LIPH: variants seen among roughly 807,000 people sequenced by gnomAD.
The protein encoded by LIPH is lipase member H.
A neutral mutation model predicts 47.6 loss-of-function variants in LIPH; 32 were observed. The observed-to-expected ratio is 0.67, with a 90% CI of 0.51 to 0.90. The LOEUF is 0.90. LIPH is among the 40% of genes least tolerant of loss of function. The pLI, the probability that LIPH is intolerant of heterozygous loss-of-function variation, is 0.00. For missense variants in LIPH, 497 were observed against 541.4 expected (o/e 0.92, Z 0.81); for synonymous variants, 190 against 195.6 (o/e 0.97, Z 0.24).
intron 3 of LIPH, among the ~76,000 whole-genome samples, chr3:185,528,218 AAGAAAGAG>A (rs1311460574): frequency 1.1e-5 from 1 of 94,494 alleles, no homozygotes; most frequent in African/African-American, 3.2e-5. Context: ...GTCTCGAAGA[AAGAAAGAG>A]AGAGAGAGAG....
At chr3:185,515,653 C>T (rs1719707978) in intron 7 of LIPH, among the ~76,000 whole-genome samples, 1 of 152,116 alleles carries the variant, frequency 6.6e-6, no homozygotes, top group South Asian at 2.1e-4. Flanking sequence ...GGATTACAGG[C>T]AAGCACCACC....
intron 1 of LIPH, among the ~76,000 whole-genome samples, chr3:185,550,651 C>A (rs1721021994): frequency 6.6e-6 from 1 of 152,046 alleles, no homozygotes; most frequent in South Asian, 2.1e-4. Flanking sequence ...CTCACTGCAA[C>A]CTCTGCCTCC....
Position 185,524,056 on chromosome 3 carries a change from A to C in LIPH, c.718+15T>G. On this transcript the variant is annotated intron_variant, in intron 5 of 9. Transcript: ENST00000296252. ...GCCTTTTTATACCACTATTTTACAA[A>C]ATATAAAGGCTTACCTCCCAATATT... 4 of 1,585,712 alleles carry C rather than the reference A, an allele frequency of 2.5e-6. No homozygotes were observed. The highest frequency in any genetic ancestry group is 3.5e-6 in the Non-Finnish European group (4 of 1,154,280).
chr3:185,523,801 C>G (rs1489879980), intron 5 of LIPH, among the ~76,000 whole-genome samples: 1 of 131,206 alleles, frequency 7.6e-6, no homozygotes, highest in Non-Finnish European at 1.8e-5. Flanking sequence ...CGGCTCACCG[C>G]AACCTCTGTC....
At chr3:185,534,349 C>T (rs1720435085) in intron 2 of LIPH, among the ~76,000 whole-genome samples, 1 of 149,840 alleles carries the variant, frequency 6.7e-6, no homozygotes, top group Admixed American at 6.7e-5. Flanking sequence ...AACGAGATTC[C>T]GTCTCAAAAA....
At chr3:185,547,542 G>A (rs910030081) in intron 1 of LIPH, among the ~76,000 whole-genome samples, 2 of 152,098 alleles carry the variant, frequency 1.3e-5, no homozygotes, top group Non-Finnish European at 2.9e-5. Flanking sequence ...GGCAGGGCAC[G>A]GTGGCTCACG....
chr3:185,528,874 C>G lies in LIPH; in HGVS notation c.527-1289G>C, dbSNP rs1011633290. Among the ~76,000 whole-genome samples the G allele has an allele frequency of 1.1e-4, 16 of 152,032 alleles. No homozygotes were observed. In the South Asian group the frequency reaches 3.1e-3, roughly 30 times the overall value. ...CCACAAAATAAAGATTAAACAACAA[C>G]AAGAAAAAGCTGGGTGTGGTGGCTG... On this transcript the variant is annotated intron_variant, in intron 3 of 9. Transcript: ENST00000296252.
intron 1 of LIPH, among the ~76,000 whole-genome samples, chr3:185,541,684 C>T (rs900948938): frequency 6.6e-5 from 10 of 151,294 alleles, no homozygotes; most frequent in Non-Finnish European, 8.8e-5. Flanking sequence ...GGATTATAGG[C>T]GTGAGCCACC....
intron 1 of LIPH, among the ~76,000 whole-genome samples, chr3:185,547,870 G>T (rs1335822223): frequency 6.6e-6 from 1 of 151,540 alleles, no homozygotes; most frequent in African/African-American, 2.4e-5. Flanking sequence ...TATTTACTGA[G>T]ACCCAGATAA....
chr3:185,549,137 A>G (rs868801729), intron 1 of LIPH, among the ~76,000 whole-genome samples: 6 of 151,940 alleles, frequency 3.9e-5, no homozygotes, highest in South Asian at 2.1e-4. Context: ...CTCAAAAAAA[A>G]AAAAAAAGAA....
At chr3:185,533,475 G>C (rs1295353187) in intron 3 of LIPH, 96 bp downstream of exon 3, 1 of 820,540 alleles carries the variant, frequency 1.2e-6, no homozygotes, top group African/African-American at 1.7e-5. Context: ...AATTGGAGCT[G>C]GCTTTGAACC....
intron 1 of LIPH, among the ~76,000 whole-genome samples, chr3:185,551,904 GTTA>G: frequency 6.6e-6 from 1 of 152,010 alleles, no homozygotes; most frequent in South Asian, 2.1e-4. Context: ...TAATTTTTAA[GTTA>G]TAAGAATGCC....
At position 185,527,549 on chromosome 3, in the gene LIPH, G is replaced by A. The variant is rs1720147838; in HGVS notation, c.563C>T (p.Pro188Leu). 1.9e-6 allele frequency: 3 copies of A among 1,612,692 alleles called. No individual in the cohort carries two copies. The highest frequency in any genetic ancestry group is 3.3e-5 in the Admixed American group (2 of 59,748). The change falls in exon 4 of 10, where the codon CCT (proline) becomes CTT (leucine). Residue 188 changes from proline to leucine, a missense_variant. By Grantham distance (98) the Pro-to-Leu change is moderately conservative (BLOSUM62 -3). Coordinates refer to ENST00000296252, the MANE Select transcript of LIPH (RefSeq NM_139248.3). ...DPAGPLFNGKPHQDRLDPSDA... is the reference protein window; with the variant it reads ...DPAGPLFNGKLHQDRLDPSDA... ...ACTGGGATCTAATCTGTCTTGGTGA[G>A]GTTTCCCGTTGAATAAAGGGCCTGC...
intron 3 of LIPH, among the ~76,000 whole-genome samples, chr3:185,527,811 C>A (rs556270435): frequency 4.4e-4 from 65 of 149,044 alleles, no homozygotes; most frequent in African/African-American, 1.5e-3. Context: ...GGCATCCAGA[C>A]TCCATCAGGG....
At chr3:185,537,364 C>T (rs1720533263) in intron 1 of LIPH, among the ~76,000 whole-genome samples, 1 of 152,048 alleles carries the variant, frequency 6.6e-6, no homozygotes, top group African/African-American at 2.4e-5. Context: ...TAATGTTGAA[C>T]CTCAAATGCG....
intron 2 of LIPH, among the ~76,000 whole-genome samples, chr3:185,534,354 C>T (rs1485070860): frequency 7.9e-6 from 1 of 125,808 alleles, no homozygotes; most frequent in Non-Finnish European, 1.7e-5. Context: ...GATTCCGTCT[C>T]AAAAAAAAAA....
chr3:185,517,338 T>C (rs1719760293), intron 6 of LIPH, among the ~76,000 whole-genome samples, 176 bp from the exon 7 acceptor site: 2 of 152,190 alleles, frequency 1.3e-5, no homozygotes. Context: ...TGGCCAACCC[T>C]GTCCCTAAGA....
chr3:185,550,581 T>A (rs182956802), intron 1 of LIPH, among the ~76,000 whole-genome samples: 349 of 152,158 alleles, frequency 2.3e-3, no homozygotes, highest in African/African-American at 7.7e-3. Flanking sequence ...TATTATATAT[T>A]TTTTTTGAGA....
At chr3:185,524,959 G>A (rs1221348951) in intron 4 of LIPH, among the ~76,000 whole-genome samples, 1 of 152,172 alleles carries the variant, frequency 6.6e-6, no homozygotes, top group African/African-American at 2.4e-5. Context: ...TAGGTCGGGT[G>A]CAGTGGCTCA....
Sources: allele counts gnomAD v4.1 joint callset (sites outside exome capture counted in the v4.1 genomes callset), GRCh38; gene constraint gnomAD v4.1.1; transcripts MANE v1.5; gene names NCBI Gene and HGNC (gene_info 2026-07-23, HGNC 2026-07-21).